CSF1R: variants seen among roughly 807,000 people sequenced by gnomAD.
CSF1R encodes colony stimulating factor 1 receptor.
A neutral mutation model predicts 110.0 loss-of-function variants in CSF1R; 40 were observed. That is an observed-to-expected ratio of 0.36 (90% CI 0.28 to 0.47). CSF1R has a LOEUF of 0.47. Among genes scored for constraint, CSF1R ranks in the 20% least tolerant of loss-of-function variants. CSF1R has a pLI of 0.99. For missense variants in CSF1R, 1,052 were observed against 1,253.0 expected (o/e 0.84, Z 2.42); for synonymous variants, 523 against 503.4 (o/e 1.04, Z -0.52).
chr5:150,078,792 A>G (rs758429851), intron 3 of CSF1R, among the ~76,000 whole-genome samples: 26 of 151,834 alleles, frequency 1.7e-4, no homozygotes, highest in Middle Eastern at 3.2e-3. Flanking sequence ...CTTTCCTCCC[A>G]CACTTCAAAT....
At chr5:150,065,312 TCAGTTC>T (rs1350198451) in intron 10 of CSF1R, among the ~76,000 whole-genome samples, 1 of 152,166 alleles carries the variant, frequency 6.6e-6, no homozygotes, top group Non-Finnish European at 1.5e-5. Context: ...TCCTCAGAGC[TCAGTTC>T]CAGCCCCCAG....
chr5:150,094,136 G>C (rs1759136878), intron 1 of CSF1R, among the ~76,000 whole-genome samples: 1 of 151,688 alleles, frequency 6.6e-6, no homozygotes, highest in Non-Finnish European at 1.5e-5. Context: ...ACCTGGAGTA[G>C]CTGTATTAAT....
At chr5:150,054,766 T>C (rs1757118710) in intron 19 of CSF1R, 1 of 280,074 alleles carries the variant, frequency 3.6e-6, no homozygotes, top group African/African-American at 2.2e-5. Context: ...GCAGGAGGAT[T>C]GCATAAGGCC....
At position 150,069,888 on chromosome 5, in the gene CSF1R, T is replaced by A. The variant is rs1308753349; in HGVS notation, c.1495A>T (p.Ile499Leu). 6.2e-7 allele frequency: 1 copy of A among 1,611,966 alleles called. No individual in the cohort carries two copies. The highest frequency in any genetic ancestry group is 1.3e-5 in the African/African-American group (1 of 74,834). Residue 499 changes from isoleucine to leucine, a missense_variant, in exon 9 of 21, where the codon ATA becomes TTA. Physicochemically the swap from Ile to Leu is conservative, Grantham distance 5. This residue lies in a region of CSF1R where 693 missense variants were observed against 735.4 expected (regional missense o/e 0.94). Transcript: ENST00000675795. Reference sequence around the variant, plus strand: ...TCCCTCTCACCTGCAGAGATGGGTATGAAGGCCCAGGAGCCACTCCCCACG... The same window carrying A: ...TCCCTCTCACCTGCAGAGATGGGTAAGAAGGCCCAGGAGCCACTCCCCACG... ...NSVGSGSWAF[I>L]PISAGAHTHP...
intron 2 of CSF1R, 89 bp downstream of exon 2, chr5:150,080,678 A>G: frequency 3.3e-6 from 5 of 1,506,048 alleles, no homozygotes; most frequent in Non-Finnish European, 4.5e-6. Context: ...GTAAATGCAG[A>G]GCTGAATTGT....
chr5:150,055,320 A>C lies in CSF1R; in HGVS notation c.2571T>G (p.Pro857=). 6.2e-7 allele frequency: 1 copy of C among 1,614,188 alleles called. No homozygotes were observed. ...AGAACTTGCTGTTCACCAGGATGCCAGGGTAGGGATTCAGCCCTGCAAAGG... is the reference window on the plus strand; with the variant it reads ...AGAACTTGCTGTTCACCAGGATGCCCGGGTAGGGATTCAGCCCTGCAAAGG... ...EIFSLGLNPY[P]GILVNSKFYK... is the part of the protein sequence containing the mutation. The change falls in exon 19 of 21, where the codon CCT becomes CCG. Residue 857 remains proline (P), a synonymous_variant. Coordinates refer to ENST00000675795, the MANE Select transcript of CSF1R (RefSeq NM_001288705.3).
intron 1 of CSF1R, among the ~76,000 whole-genome samples, chr5:150,112,065 G>T (rs1030065810): frequency 2.0e-5 from 3 of 152,062 alleles, no homozygotes; most frequent in Non-Finnish European, 2.9e-5. Flanking sequence ...GTAGCTCTAC[G>T]TTAACCTTTG....
intron 10 of CSF1R, 105 bp downstream of exon 10, chr5:150,068,110 G>T: frequency 1.2e-6 from 1 of 853,308 alleles, no homozygotes; most frequent in Non-Finnish European, 1.9e-6. Context: ...GCTGTTAGCT[G>T]ATGGACTGAC....
At chr5:150,063,692 G>C (rs1298255476) in intron 10 of CSF1R, among the ~76,000 whole-genome samples, 3 of 152,136 alleles carry the variant, frequency 2.0e-5, no homozygotes, top group Non-Finnish European at 2.9e-5. Context: ...TTCTTGCCCA[G>C]GGGTCAGCTG....
At chr5:150,061,467 C>T (rs1414552255) in intron 12 of CSF1R, 24 bp downstream of exon 12, 4 of 883,434 alleles carry the variant, frequency 4.5e-6, no homozygotes, top group Admixed American at 2.2e-5. Context: ...CCCATCCCTT[C>T]CCTCATCCCC....
intron 7 of CSF1R, 46 bp from the exon 8 acceptor site, chr5:150,070,348 C>T (rs767664841): frequency 1.1e-5 from 18 of 1,601,254 alleles, no homozygotes; most frequent in East Asian, 8.9e-5. Context: ...TCCCCGCCAC[C>T]TCCCAATCTC....
chr5:150,068,122 G>T, intron 10 of CSF1R, 93 bp downstream of exon 10: 1 of 929,040 alleles, frequency 1.1e-6, no homozygotes, highest in Non-Finnish European at 1.7e-6. Context: ...TGGACTGACT[G>T]AGGAGGAGGA....
At position 150,077,331 on chromosome 5, in the gene CSF1R, G is replaced by T; in HGVS notation, c.834C>A (p.Cys278Ter). Residue 278 changes from cysteine to a stop codon, truncating the protein, a stop_gained, in exon 5 of 21, where the codon TGC (cysteine) becomes TGA (stop). Transcript: ENST00000675795. LOFTEE classifies it high-confidence loss of function. ...VDFQHAGNYS[C>*]VASNVQGKHS... ...GCTTGCCCTGCACGTTGCTGGCCAC[G>T]CAGGAGTAGTTGCCGGCATGTTGGA... 1 of 1,614,224 alleles carries T rather than the reference G, an allele frequency of 6.2e-7. No homozygotes were observed. The highest frequency in any genetic ancestry group is 8.5e-7 in the Non-Finnish European group (1 of 1,180,048).
intron 10 of CSF1R, among the ~76,000 whole-genome samples, chr5:150,067,810 C>G (rs966533875): frequency 1.3e-5 from 2 of 152,162 alleles, no homozygotes; most frequent in Non-Finnish European, 2.9e-5. Context: ...TGCCATTCCT[C>G]TCCTCATAGC....
intron 5 of CSF1R, among the ~76,000 whole-genome samples, chr5:150,074,096 G>A (rs566827295): frequency 1.6e-4 from 25 of 152,284 alleles, no homozygotes; most frequent in Admixed American, 2.6e-4. Context: ...ACTACAAGGC[G>A]GATAGTCGGA....
At chr5:150,104,133 G>A (rs1759481225) in intron 1 of CSF1R, among the ~76,000 whole-genome samples, 1 of 152,214 alleles carries the variant, frequency 6.6e-6, no homozygotes, top group African/African-American at 2.4e-5. Flanking sequence ...GAGGAAACCT[G>A]GGCACCCCTA....
intron 1 of CSF1R, among the ~76,000 whole-genome samples, chr5:150,098,077 G>A (rs1377122246): frequency 6.6e-6 from 1 of 152,162 alleles, no homozygotes; most frequent in Admixed American, 6.5e-5. Context: ...TCCAGAAATA[G>A]AACTGCACAT....
intron 9 of CSF1R, 31 bp from the exon 10 acceptor site, chr5:150,068,361 G>A (rs1320016312): frequency 1.3e-6 from 2 of 1,566,242 alleles, no homozygotes; most frequent in Admixed American, 3.4e-5. Flanking sequence ...CAGTGAGCAG[G>A]CAGGGGTGCC....
intron 10 of CSF1R, among the ~76,000 whole-genome samples, chr5:150,064,009 G>A (rs1254654752): frequency 1.3e-5 from 2 of 152,318 alleles, no homozygotes; most frequent in Admixed American, 1.3e-4. Flanking sequence ...GCAGCAACGT[G>A]GTGCAGCTGA....
Sources: gnomAD v4.1 joint callset for allele counts (sites outside exome capture counted in the v4.1 genomes callset) on GRCh38, gnomAD v4.1.1 for gene constraint, gnomAD v4.1.1 regional missense constraint, MANE v1.5 for transcripts, NCBI Gene and HGNC (gene_info 2026-07-23, HGNC 2026-07-21) for gene names.